Variants in NRG1 observed in about 807,000 individuals in gnomAD.
The protein encoded by NRG1 is neuregulin 1.
Under a neutral mutation model 63.8 loss-of-function variants are expected in NRG1, and 18 were observed. The ratio of observed to expected loss-of-function variants is 0.28; its 90% confidence interval spans 0.19 to 0.42. The LOEUF is 0.42. Among genes scored for constraint, NRG1 ranks in the 10% least tolerant of loss-of-function variants. The pLI, the probability that NRG1 is intolerant of heterozygous loss-of-function variation, is 1.00. For synonymous variants in NRG1, 302 were observed against 301.3 expected (o/e 1.00, Z -0.02); for missense variants, 762 against 814.7 (o/e 0.94, Z 0.79).
chr8:31,813,536 T>TTTCTTTTC (rs1823131630), intron 1 of NRG1, among the ~76,000 whole-genome samples: 2 of 109,350 alleles, frequency 1.8e-5, no homozygotes, highest in African/African-American at 2.9e-5. Context: ...TTTTTTTTGT[T>TTTCTTTTC]TTTTGAGACA....
chr8:32,021,092 A>G (rs1270637471), intron 1 of NRG1, among the ~76,000 whole-genome samples: 1 of 152,232 alleles, frequency 6.6e-6, no homozygotes, highest in East Asian at 1.9e-4. Flanking sequence ...AAACAGCACT[A>G]CATTTTGCCA....
chr8:32,522,365 C>A (rs1375863865), intron 1 of NRG1, among the ~76,000 whole-genome samples: 1 of 152,206 alleles, frequency 6.6e-6, no homozygotes, highest in Non-Finnish European at 1.5e-5. Flanking sequence ...TTACCTCCCC[C>A]ACAGCTGTCT....
chr8:32,527,920 G>A (rs547045741), intron 1 of NRG1, among the ~76,000 whole-genome samples: 3 of 152,104 alleles, frequency 2.0e-5, no homozygotes, highest in East Asian at 3.9e-4. Context: ...TTATCCAACC[G>A]CTTCTCCCCA....
chr8:32,412,451 TAC>T (rs1255067769), intron 1 of NRG1, among the ~76,000 whole-genome samples: 16,107 of 56,732 alleles, frequency 0.28, 1,513 homozygotes, highest in East Asian at 0.61. Context: ...TATATATATA[TAC>T]ATATATATAT....
chr8:31,756,456 T>G, intron 1 of NRG1, among the ~76,000 whole-genome samples: 1 of 152,198 alleles, frequency 6.6e-6, no homozygotes, highest in East Asian at 1.9e-4. Flanking sequence ...AAGCTGACCC[T>G]GTTGACTGAG....
chr8:31,931,361 T>C (rs896178685), intron 1 of NRG1, among the ~76,000 whole-genome samples: 1 of 152,014 alleles, frequency 6.6e-6, no homozygotes, highest in African/African-American at 2.4e-5. Context: ...GCCATGAAGG[T>C]CCAGGCTTGG....
chr8:32,134,178 C>T (rs1563825422), intron 1 of NRG1, among the ~76,000 whole-genome samples: 1 of 152,060 alleles, frequency 6.6e-6, no homozygotes, highest in Non-Finnish European at 1.5e-5. Flanking sequence ...ATATAGAAGA[C>T]ACTAAAATTT....
chr8:32,648,507 T>A lies in NRG1; in HGVS notation c.502+31622T>A, dbSNP rs1004134473. The A allele has an allele frequency of 2.5e-5, 35 of 1,380,512 alleles. No individual in the cohort carries two copies. The African/African-American group carries it at 4.4e-4, about 17-fold the overall frequency. The allele number at this position is 1,380,512 out of a possible 1,614,324, so 85.5% of individuals were successfully genotyped here. On this transcript the variant is annotated intron_variant, in intron 5 of 11. Transcript: ENST00000356819. ...TGCCTGGTTTTGTTTAAGCAAAGCC[T>A]ATGTTTGAGATGCTTGGGATGGCAT...
intron 1 of NRG1, among the ~76,000 whole-genome samples, chr8:32,506,513 A>G (rs1182594248): frequency 3.9e-5 from 6 of 152,226 alleles, no homozygotes; most frequent in Admixed American, 3.9e-4. Context: ...AGACAGAGAC[A>G]AAGAGAAAAC....
chr8:32,367,962 T>C (rs1160197229), intron 1 of NRG1, among the ~76,000 whole-genome samples: 3 of 152,190 alleles, frequency 2.0e-5, no homozygotes, highest in Admixed American at 6.6e-5. Flanking sequence ...AGTGCCTTTG[T>C]CAAAAATCAA....
At chr8:32,535,898 A>T (rs1287452988) in intron 1 of NRG1, among the ~76,000 whole-genome samples, 3 of 152,126 alleles carry the variant, frequency 2.0e-5, no homozygotes, top group African/African-American at 7.2e-5. Flanking sequence ...TGCCTGCCCA[A>T]ATCCACAGAG....
intron 1 of NRG1, among the ~76,000 whole-genome samples, chr8:32,104,225 T>G (rs1830963203): frequency 6.6e-6 from 1 of 152,210 alleles, no homozygotes; most frequent in Non-Finnish European, 1.5e-5. Context: ...GTTACTGTAC[T>G]TAATACTGTA....
chr8:31,727,573 T>G (rs1424088412), intron 1 of NRG1, among the ~76,000 whole-genome samples: 1 of 152,270 alleles, frequency 6.6e-6, no homozygotes, highest in East Asian at 1.9e-4. Flanking sequence ...TCTTCAAATG[T>G]ATAGGTAGAT....
At chr8:31,966,106 TA>T (rs202002962) in intron 1 of NRG1, among the ~76,000 whole-genome samples, 25 of 143,924 alleles carry the variant, frequency 1.7e-4, no homozygotes, top group Non-Finnish European at 1.2e-4. Context: ...TCCCTGAAAC[TA>T]AAAAAAAAAG....
At chr8:31,811,567 T>C (rs1019528833) in intron 1 of NRG1, among the ~76,000 whole-genome samples, 1 of 152,176 alleles carries the variant, frequency 6.6e-6, no homozygotes, top group Non-Finnish European at 1.5e-5. Flanking sequence ...TATGTTACTG[T>C]TTTTATCTTC....
Position 32,528,369 on chromosome 8 carries a change from A to G in NRG1, c.38-67459A>G, listed in dbSNP as rs140512959. Among the ~76,000 whole-genome samples the G allele has an allele frequency of 2.8e-3, 426 of 152,316 alleles. 4 individuals are homozygous for G. The highest frequency in any genetic ancestry group is 9.8e-3 in the African/African-American group (409 of 41,568). On this transcript the variant is annotated intron_variant, in intron 1 of 10. Transcript: ENST00000519301. ...AGTATGCAAGTTATAGGCATGTGGT[A>G]AGTGTTGGATATGTGCACCAGTTGT...
chr8:32,266,981 G>A (rs1004009772), intron 1 of NRG1, among the ~76,000 whole-genome samples: 5 of 151,866 alleles, frequency 3.3e-5, no homozygotes, highest in Non-Finnish European at 7.4e-5. Context: ...CCTGGGAGGC[G>A]GAGGTGGCAG....
intron 1 of NRG1, among the ~76,000 whole-genome samples, chr8:32,053,082 T>C (rs762762691): frequency 2.0e-5 from 3 of 152,160 alleles, no homozygotes; most frequent in African/African-American, 7.2e-5. Context: ...GAATGAATGA[T>C]GAAAACATTG....
chr8:32,291,901 A>G (rs1854246969), intron 1 of NRG1, among the ~76,000 whole-genome samples: 1 of 152,182 alleles, frequency 6.6e-6, no homozygotes, highest in Non-Finnish European at 1.5e-5. Flanking sequence ...ATGAGCATAT[A>G]TGTTCATTGT....
Sources: allele counts gnomAD v4.1 joint callset (sites outside exome capture counted in the v4.1 genomes callset), GRCh38; gene constraint gnomAD v4.1.1; transcripts MANE v1.5; gene names NCBI Gene and HGNC (gene_info 2026-07-23, HGNC 2026-07-21).